The following IMMP2L variants were observed in gnomAD, a reference collection of about 807,000 sequenced individuals.
IMMP2L encodes the protein mitochondrial inner membrane protease subunit 2.
IMMP2L carries 18 observed loss-of-function variants against 19.3 expected under a neutral mutation model. That is an observed-to-expected ratio of 0.93 (90% confidence interval 0.64 to 1.38). The LOEUF (loss-of-function observed/expected upper bound fraction) is 1.38, where lower values mean the gene tolerates loss of function less well. Ranked by LOEUF, IMMP2L falls within the 40% of genes most tolerant of loss-of-function variation. The pLI, the probability that IMMP2L is intolerant of heterozygous loss-of-function variation, is 0.00. For missense variants in IMMP2L, 233 were observed against 218.2 expected, an observed-to-expected ratio of 1.07 and a Z score of -0.43; for synonymous variants, 76 against 73.0, an observed-to-expected ratio of 1.04 and a Z score of -0.21.
intron 5 of IMMP2L, among the ~76,000 whole-genome samples, chr7:110,871,170 C>T (rs1808503800): frequency 6.6e-6 from 1 of 151,970 alleles, no homozygotes; most frequent in South Asian, 2.1e-4. Context: ...TGGAAGAAAT[C>T]TGAGGAAAGA....
intron 5 of IMMP2L, among the ~76,000 whole-genome samples, chr7:110,744,754 T>C (rs1797218082): frequency 6.6e-6 from 1 of 152,184 alleles, no homozygotes. Flanking sequence ...GGTCATCGAC[T>C]TCAAAGACCA....
At chr7:111,050,189 C>T (rs1232524651) in intron 3 of IMMP2L, among the ~76,000 whole-genome samples, 1 of 152,126 alleles carries the variant, frequency 6.6e-6, no homozygotes, top group African/African-American at 2.4e-5. Context: ...TCACGAAAAC[C>T]TTTTCTAATG....
intron 5 of IMMP2L, among the ~76,000 whole-genome samples, chr7:110,831,164 G>A (rs1016934948): frequency 6.6e-6 from 1 of 152,020 alleles, no homozygotes; most frequent in Non-Finnish European, 1.5e-5. Context: ...TGCATTCCTC[G>A]ACCCTTAAAG....
At chr7:110,830,591 C>T (rs576001320) in intron 5 of IMMP2L, among the ~76,000 whole-genome samples, 1 of 152,108 alleles carries the variant, frequency 6.6e-6, no homozygotes, top group Non-Finnish European at 1.5e-5. Context: ...AAAAAAACAT[C>T]AAAATATTTC....
intron 3 of IMMP2L, among the ~76,000 whole-genome samples, chr7:110,964,514 T>C (rs1819331620): frequency 1.3e-5 from 2 of 152,056 alleles, no homozygotes; most frequent in African/African-American, 4.8e-5. Flanking sequence ...ATTGACAGGT[T>C]TTGATATACT....
chr7:111,152,802 T>C (rs2129603524), intron 3 of IMMP2L, among the ~76,000 whole-genome samples: 1 of 152,290 alleles, frequency 6.6e-6, no homozygotes, highest in South Asian at 2.1e-4. Context: ...ACTTTCTCTT[T>C]TTAAATTATT....
At chr7:111,000,642 G>A (rs1005417419) in intron 3 of IMMP2L, among the ~76,000 whole-genome samples, 3 of 152,122 alleles carry the variant, frequency 2.0e-5, no homozygotes, top group African/African-American at 4.8e-5. Context: ...TCAAGAGTTC[G>A]AGACCAGCCT....
At chr7:111,053,469 AC>A (rs1357887024) in intron 3 of IMMP2L, among the ~76,000 whole-genome samples, 1 of 152,146 alleles carries the variant, frequency 6.6e-6, no homozygotes, top group African/African-American at 2.4e-5. Context: ...GAGCTCACTC[AC>A]CCAGCTCCTG....
At chr7:111,095,675 T>C (rs1280017412) in intron 3 of IMMP2L, among the ~76,000 whole-genome samples, 2 of 152,020 alleles carry the variant, frequency 1.3e-5, no homozygotes. Flanking sequence ...CTACAGAGAC[T>C]CAGCTATTGA....
intron 3 of IMMP2L, among the ~76,000 whole-genome samples, chr7:111,224,294 A>G (rs1335533116): frequency 6.6e-6 from 1 of 152,178 alleles, no homozygotes; most frequent in Non-Finnish European, 1.5e-5. Flanking sequence ...AAATGAATAT[A>G]CTAAAATTCT....
At chr7:111,005,782 A>T (rs189520214) in intron 3 of IMMP2L, among the ~76,000 whole-genome samples, 1 of 152,192 alleles carries the variant, frequency 6.6e-6, no homozygotes, top group Non-Finnish European at 1.5e-5. Flanking sequence ...ATGCAAGTTT[A>T]TTCTTTGAAA....
At chr7:111,286,429 TTA>T (rs1330675971) in intron 3 of IMMP2L, among the ~76,000 whole-genome samples, 48 of 152,186 alleles carry the variant, frequency 3.2e-4, no homozygotes, top group African/African-American at 1.1e-3. Flanking sequence ...CTGTCAATGA[TTA>T]CACCACACTA....
intron 3 of IMMP2L, among the ~76,000 whole-genome samples, chr7:111,206,808 A>G (rs1212920675): frequency 6.6e-6 from 1 of 152,180 alleles, no homozygotes; most frequent in East Asian, 1.9e-4. Flanking sequence ...TCTCCCAAGC[A>G]AGAGAACAAT....
At chr7:111,382,674 A>G (rs2131240562) in intron 3 of IMMP2L, among the ~76,000 whole-genome samples, 1 of 152,224 alleles carries the variant, frequency 6.6e-6, no homozygotes, top group South Asian at 2.1e-4. Context: ...AAGAAATGGA[A>G]TAACTAATGG....
At chr7:111,300,334 C>T (rs1831363852) in intron 3 of IMMP2L, among the ~76,000 whole-genome samples, 1 of 152,132 alleles carries the variant, frequency 6.6e-6, no homozygotes, top group Admixed American at 6.6e-5. Context: ...GGCTGGAAGT[C>T]ATATGTTGTC....
At chr7:111,535,617 T>C (rs1847817878) in intron 1 of IMMP2L, among the ~76,000 whole-genome samples, 1 of 152,132 alleles carries the variant, frequency 6.6e-6, no homozygotes, top group African/African-American at 2.4e-5. Context: ...AGTTATTTAA[T>C]TATACCCAAC....
chr7:111,500,437 C>T (rs1329151099), intron 2 of IMMP2L, among the ~76,000 whole-genome samples: 8 of 152,154 alleles, frequency 5.3e-5, no homozygotes, highest in African/African-American at 1.9e-4. Flanking sequence ...ATGTCCCTGT[C>T]TGACAGCTTT....
intron 3 of IMMP2L, among the ~76,000 whole-genome samples, chr7:111,194,573 T>C (rs1809268016): frequency 1.3e-5 from 2 of 152,138 alleles, no homozygotes; most frequent in African/African-American, 2.4e-5. Flanking sequence ...CAAAAGCCAC[T>C]ACCTGCCACA....
chr7:111,072,715 G>A (rs998587304), intron 3 of IMMP2L, among the ~76,000 whole-genome samples: 2 of 152,086 alleles, frequency 1.3e-5, no homozygotes, highest in East Asian at 1.9e-4. Context: ...TTAACACAGT[G>A]AAATCCCATC....
Sources: allele counts gnomAD v4.1 joint callset (sites outside exome capture counted in the v4.1 genomes callset), GRCh38; gene constraint gnomAD v4.1.1; transcripts MANE v1.5; gene names NCBI Gene and HGNC (gene_info 2026-07-23, HGNC 2026-07-21).